The following TMEM117 variants were observed in gnomAD, a reference collection of about 807,000 sequenced individuals.
The protein encoded by TMEM117 is transmembrane protein 117.
Under a neutral mutation model 52.4 loss-of-function variants are expected in TMEM117, and 27 were observed. The observed-to-expected ratio is 0.51, with a 90% CI of 0.38 to 0.71. TMEM117 has a LOEUF of 0.71. TMEM117 is among the 30% of genes least tolerant of loss of function. The pLI, the probability that TMEM117 is intolerant of heterozygous loss-of-function variation, is 0.00. For synonymous variants in TMEM117, 215 were observed against 206.3 expected, an observed-to-expected ratio of 1.04 and a Z score of -0.36; for missense variants, 556 against 630.5, an observed-to-expected ratio of 0.88 and a Z score of 1.26.
At chr12:44,340,531 C>A (rs1951402851) in intron 6 of TMEM117, among the ~76,000 whole-genome samples, 1 of 152,124 alleles carries the variant, frequency 6.6e-6, no homozygotes, top group Non-Finnish European at 1.5e-5. Context: ...TTCAGCCAGT[C>A]TCGAGCTACA....
chr12:44,066,205 A>G (rs1231965552), intron 3 of TMEM117, among the ~76,000 whole-genome samples: 1 of 152,230 alleles, frequency 6.6e-6, no homozygotes, highest in Non-Finnish European at 1.5e-5. Flanking sequence ...TAATGTGTAC[A>G]GAGAAACCTT....
chr12:43,847,858 A>G (rs1209448735), intron 2 of TMEM117, among the ~76,000 whole-genome samples: 1 of 152,060 alleles, frequency 6.6e-6, no homozygotes, highest in South Asian at 2.1e-4. Context: ...CATAGGTTCT[A>G]TTTTCCATAA....
In TMEM117 at chr12:44,287,647, T is replaced by A. The variant is rs138102593; in HGVS notation, c.609-11933T>A. ...GCTTATAATGAAAAATGAAAATGAA[T>A]GAAATCCTAGCTACAAACATAATAA... On this transcript the variant is annotated intron_variant, in intron 5 of 7. Transcript: ENST00000266534. 6.8e-3 allele frequency among the ~76,000 whole-genome samples: 1,043 copies of A among 152,306 alleles called. 9 individuals are homozygous for A. The highest frequency in any genetic ancestry group is 0.024 in the African/African-American group (994 of 41,578).
At chr12:44,390,576 A>T (rs527400184), downstream of TMEM117, among the ~76,000 whole-genome samples, 4 of 152,242 alleles carry the variant, frequency 2.6e-5, no homozygotes, top group South Asian at 8.3e-4. Context: ...GACAGAAAAA[A>T]AATAACAAAC....
chr12:43,869,674 T>C (rs1258453209), intron 2 of TMEM117, among the ~76,000 whole-genome samples: 1 of 152,268 alleles, frequency 6.6e-6, no homozygotes, highest in Non-Finnish European at 1.5e-5. Flanking sequence ...GCTTTCTTTT[T>C]CCTGTTCTTG....
At chr12:44,071,670 G>A (rs1402504338) in intron 3 of TMEM117, among the ~76,000 whole-genome samples, 1 of 152,004 alleles carries the variant, frequency 6.6e-6, no homozygotes, top group East Asian at 1.9e-4. Context: ...TAGTGTCCTG[G>A]GCACCCTAGC....
chr12:44,306,843 C>G (rs1056689623), intron 6 of TMEM117, among the ~76,000 whole-genome samples: 1 of 152,116 alleles, frequency 6.6e-6, no homozygotes, highest in Non-Finnish European at 1.5e-5. Context: ...TATGATCTTA[C>G]AGTAATTAAC....
In TMEM117 at chr12:43,920,602, G is replaced by A. The variant is rs146590242; in HGVS notation, c.278-23608G>A. Among the ~76,000 whole-genome samples, 186 of 142,214 alleles carry A rather than the reference G, an allele frequency of 1.3e-3. 1 individual carries two copies. In the East Asian group the frequency reaches 0.037, roughly 28 times the overall value. 93.3% of individuals were successfully genotyped at this position (142,214 alleles called of 152,430 possible). ...ATCTCACTATTTTGCCCAGGCTGGA[G>A]TGGAGTGGCATGATCACAACTCACT... On this transcript the variant is annotated intron_variant, in intron 2 of 7. Transcript: ENST00000266534.
At chr12:44,211,504 T>C (rs1949644926) in intron 5 of TMEM117, 117 bp downstream of exon 5, 2 of 646,938 alleles carry the variant, frequency 3.1e-6, no homozygotes, top group East Asian at 5.6e-5. Flanking sequence ...TTTTGGTAGC[T>C]ACTATGCTCC....
At chr12:44,381,463 C>T (rs1409408844) in intron 7 of TMEM117, among the ~76,000 whole-genome samples, 1 of 152,164 alleles carries the variant, frequency 6.6e-6, no homozygotes, top group East Asian at 1.9e-4. Context: ...TAATGCCAAT[C>T]CCGGTGGAAG....
chr12:43,896,846 G>A (rs1273346809), intron 2 of TMEM117, among the ~76,000 whole-genome samples: 2 of 152,130 alleles, frequency 1.3e-5, no homozygotes, highest in African/African-American at 4.8e-5. Context: ...GCATTAATAT[G>A]AGGAGGTTTC....
intron 1 of TMEM117, among the ~76,000 whole-genome samples, chr12:43,842,883 C>T (rs1943138317): frequency 6.6e-6 from 1 of 152,116 alleles, no homozygotes; most frequent in African/African-American, 2.4e-5. Flanking sequence ...GGCCTGCTCT[C>T]TAGGCAAGGA....
At chr12:43,847,539 T>C (rs1943230629) in intron 2 of TMEM117, among the ~76,000 whole-genome samples, 1 of 152,170 alleles carries the variant, frequency 6.6e-6, no homozygotes, top group African/African-American at 2.4e-5. Flanking sequence ...GTGAACTGAC[T>C]CAGAACAAAT....
Position 44,304,422 on chromosome 12 carries a change from T to C in TMEM117, c.768+4683T>C, listed in dbSNP as rs190616684. Among the ~76,000 whole-genome samples the C allele has an allele frequency of 1.4e-4, 21 of 152,284 alleles. No homozygotes were observed. The East Asian group carries it at 4.1e-3, about 29-fold the overall frequency. ...CAAGGACTTGGAATTTCTTGGCTAG[T>C]CCTTGTGCTGTGCTGAGCTTGGAGG... On this transcript the variant is annotated intron_variant, in intron 6 of 7. Transcript: ENST00000266534.
intron 2 of TMEM117, among the ~76,000 whole-genome samples, chr12:43,856,577 G>A (rs944725021): frequency 6.6e-6 from 1 of 152,076 alleles, no homozygotes; most frequent in African/African-American, 2.4e-5. Flanking sequence ...AAATTAGTTT[G>A]CATTGTCTAG....
chr12:43,813,274 T>G, the TMEM117 span, among the ~76,000 whole-genome samples: 1 of 143,674 alleles, frequency 7.0e-6, no homozygotes, highest in South Asian at 2.3e-4. Context: ...GACAGCGTCT[T>G]GCTCTGTCGC....
downstream of TMEM117, among the ~76,000 whole-genome samples, chr12:44,392,918 G>T (rs1354379956): frequency 3.9e-5 from 6 of 152,006 alleles, no homozygotes; most frequent in Admixed American, 2.6e-4. Flanking sequence ...TAGAGAGACT[G>T]GAACATCCTT....
chr12:44,179,417 G>A (rs534364536), intron 4 of TMEM117, among the ~76,000 whole-genome samples: 19 of 152,292 alleles, frequency 1.2e-4, no homozygotes, highest in Admixed American at 9.8e-4. Context: ...CTGAAGGCCC[G>A]AGAGCTTCTG....
intron 5 of TMEM117, among the ~76,000 whole-genome samples, chr12:44,252,862 A>G (rs1168501723): frequency 6.6e-6 from 1 of 152,230 alleles, no homozygotes; most frequent in East Asian, 1.9e-4. Flanking sequence ...ACTCCTGTCC[A>G]GGAAAAATTT....
Sources: allele counts gnomAD v4.1 joint callset (sites outside exome capture counted in the v4.1 genomes callset), GRCh38; gene constraint gnomAD v4.1.1; transcripts MANE v1.5; gene names NCBI Gene and HGNC (gene_info 2026-07-23, HGNC 2026-07-21).